The following MEIS2 variants were observed in gnomAD, a reference collection of about 807,000 sequenced individuals.
The protein encoded by MEIS2 is homeobox protein Meis2.
In MEIS2, 9 loss-of-function variants were observed where a neutral mutation model predicts 58.6. The ratio of observed to expected loss-of-function variants is 0.15; its 90% confidence interval spans 0.09 to 0.27. The LOEUF (loss-of-function observed/expected upper bound fraction) is 0.27, where lower values mean the gene tolerates loss of function less well. Among genes scored for constraint, MEIS2 ranks in the 10% least tolerant of loss-of-function variants. The pLI, the probability that MEIS2 is intolerant of heterozygous loss-of-function variation, is 1.00. For missense variants in MEIS2, 427 were observed against 635.0 expected (o/e 0.67, Z 3.52); for synonymous variants, 221 against 228.4 (o/e 0.97, Z 0.29).
intron 9 of MEIS2, among the ~76,000 whole-genome samples, chr15:36,917,543 T>C (rs1173687418): frequency 6.6e-6 from 1 of 152,204 alleles, no homozygotes; most frequent in Non-Finnish European, 1.5e-5. Flanking sequence ...AAATTTGAAT[T>C]ATCTTTGTTT....
chr15:37,021,901 T>C (rs1301108168), intron 8 of MEIS2, among the ~76,000 whole-genome samples: 3 of 152,160 alleles, frequency 2.0e-5, no homozygotes, highest in African/African-American at 7.2e-5. Flanking sequence ...TTACCCGGTT[T>C]ACTTTGCCTA....
chr15:36,986,210 T>A (rs1435932220), intron 8 of MEIS2, among the ~76,000 whole-genome samples: 5 of 152,208 alleles, frequency 3.3e-5, no homozygotes, highest in Non-Finnish European at 5.9e-5. Flanking sequence ...CTCTCCCTAG[T>A]TAAACATAAT....
chr15:36,996,167 C>A (rs1338931399), intron 8 of MEIS2, among the ~76,000 whole-genome samples: 1 of 151,556 alleles, frequency 6.6e-6, no homozygotes, highest in East Asian at 1.9e-4. Context: ...TTATCTAAGA[C>A]AATTTTCTCA....
chr15:37,023,153 C>T (rs1485918917), intron 8 of MEIS2, among the ~76,000 whole-genome samples: 1 of 152,034 alleles, frequency 6.6e-6, no homozygotes, highest in African/African-American at 2.4e-5. Context: ...CTTTATAATT[C>T]CTTTGCTTTT....
chr15:37,045,867 G>A lies in MEIS2; in HGVS notation c.755-8908C>T, dbSNP rs139313395. On this transcript the variant is annotated intron_variant, in intron 7 of 11. Coordinates refer to ENST00000561208, the MANE Select transcript of MEIS2 (RefSeq NM_170675.5). ...TGTGAGGGTTTTCCGACATTAAAGA[G>A]AGGACAGTGACCCAGGCCACCTTTT... 2.6e-3 allele frequency among the ~76,000 whole-genome samples: 394 copies of A among 152,290 alleles called. 3 individuals carry two copies. The highest frequency in any genetic ancestry group is 9.1e-3 in the African/African-American group (378 of 41,548).
At chr15:36,965,001 C>T (rs1343869241) in intron 8 of MEIS2, among the ~76,000 whole-genome samples, 1 of 152,150 alleles carries the variant, frequency 6.6e-6, no homozygotes, top group Admixed American at 6.5e-5. Flanking sequence ...TCCATTGTCT[C>T]ATCTCACTTG....
chr15:37,020,987 G>T (rs1022638040), intron 8 of MEIS2, among the ~76,000 whole-genome samples: 1 of 152,088 alleles, frequency 6.6e-6, no homozygotes, highest in Non-Finnish European at 1.5e-5. Flanking sequence ...GAAATGTTAT[G>T]CAGGGACAGG....
At chr15:36,956,503 T>C (rs1187133557) in intron 8 of MEIS2, among the ~76,000 whole-genome samples, 2 of 152,198 alleles carry the variant, frequency 1.3e-5, no homozygotes, top group African/African-American at 4.8e-5. Flanking sequence ...TCAACACAGA[T>C]AATCATGCTG....
intron 9 of MEIS2, among the ~76,000 whole-genome samples, chr15:36,917,218 G>A (rs911655958): frequency 4.6e-5 from 7 of 152,180 alleles, no homozygotes; most frequent in Non-Finnish European, 8.8e-5. Context: ...AATTATTAGA[G>A]CAGACACATA....
At chr15:37,087,915 A>C (rs1020859184) in intron 6 of MEIS2, among the ~76,000 whole-genome samples, 4 of 152,180 alleles carry the variant, frequency 2.6e-5, no homozygotes, top group African/African-American at 4.8e-5. Context: ...TACAAAACTG[A>C]ATGGAGAAGT....
intron 8 of MEIS2, among the ~76,000 whole-genome samples, chr15:36,971,537 T>TAAAAAAAAAAAAA (rs71126247): frequency 0.027 from 1,805 of 66,846 alleles, 246 homozygotes; most frequent in African/African-American, 0.032. Context: ...CTTGTTACAT[T>TAAAAAAAAAAAAA]AAAAAAAAAA....
intron 8 of MEIS2, among the ~76,000 whole-genome samples, chr15:37,024,448 C>A (rs1418585459): frequency 6.6e-6 from 1 of 152,228 alleles, no homozygotes; most frequent in African/African-American, 2.4e-5. Context: ...AACTCTCAAA[C>A]TATAGTGCCA....
In MEIS2 at chr15:36,895,184, C is replaced by T; in HGVS notation, c.1114G>A (p.Asp372Asn). The T allele has an allele frequency of 6.2e-7, 1 of 1,614,150 alleles. No individual in the cohort carries two copies. The highest frequency in any genetic ancestry group is 8.5e-7 in the Non-Finnish European group (1 of 1,180,042). ...CGGATCCCCATGTGTTGCTGACCAT[C>T]CAACACAAAGCTCCCCATGGGCTGA... is the stretch of plus-strand genomic sequence containing the variant. ...EGQPMGSFVL[D>N]GQQHMGIRPA... Residue 372 changes from aspartate to asparagine, a missense_variant, in exon 11 of 12, where the codon GAT becomes AAT. Coordinates refer to ENST00000561208, the MANE Select transcript of MEIS2 (RefSeq NM_170675.5).
chr15:36,896,753 A>C (rs748327205), intron 9 of MEIS2, 67 bp from the exon 10 acceptor site: 13 of 1,205,372 alleles, frequency 1.1e-5, no homozygotes, highest in Non-Finnish European at 1.3e-5. Context: ...CCTTTGCATG[A>C]ATGCTGAGGA....
At chr15:37,070,469 T>A (rs145577251) in intron 7 of MEIS2, among the ~76,000 whole-genome samples, 4 of 152,056 alleles carry the variant, frequency 2.6e-5, no homozygotes, top group African/African-American at 9.7e-5. Context: ...GTTAAATGAG[T>A]CTGGAAAGCT....
intron 9 of MEIS2, among the ~76,000 whole-genome samples, chr15:36,899,373 C>T (rs1359513095): frequency 3.3e-5 from 5 of 152,254 alleles, no homozygotes; most frequent in Admixed American, 2.0e-4. Flanking sequence ...CGCCTCCTAC[C>T]AGTACTGATG....
chr15:36,916,432 A>T (rs1443684914), intron 9 of MEIS2, among the ~76,000 whole-genome samples: 10 of 119,636 alleles, frequency 8.4e-5, no homozygotes, highest in Middle Eastern at 5.1e-3. Flanking sequence ...ATCTCAATTA[A>T]AAAAAAAAAA....
chr15:36,976,894 C>A (rs1275211875), intron 8 of MEIS2, among the ~76,000 whole-genome samples: 1 of 152,158 alleles, frequency 6.6e-6, no homozygotes, highest in Non-Finnish European at 1.5e-5. Flanking sequence ...GATGCCAAGG[C>A]AGGCGGATCA....
intron 6 of MEIS2, among the ~76,000 whole-genome samples, chr15:37,084,441 T>C (rs890632515): frequency 1.3e-5 from 2 of 152,216 alleles, no homozygotes; most frequent in Non-Finnish European, 2.9e-5. Flanking sequence ...AATTATCAAC[T>C]GATTGACTAT....
Sources: gnomAD v4.1 joint callset for allele counts (sites outside exome capture counted in the v4.1 genomes callset) on GRCh38, gnomAD v4.1.1 for gene constraint, MANE v1.5 for transcripts, NCBI Gene and HGNC (gene_info 2026-07-23, HGNC 2026-07-21) for gene names.